The following LDB3 variants were observed in gnomAD, a reference collection of about 807,000 sequenced individuals.
The protein encoded by LDB3 is LIM domain binding 3, also known as LIM domain-binding protein 3.
A neutral mutation model predicts 69.0 loss-of-function variants in LDB3; 49 were observed. That is an observed-to-expected ratio of 0.71 (90% confidence interval 0.56 to 0.90). LDB3 has a LOEUF of 0.90. LDB3 is among the 40% of genes least tolerant of loss of function. LDB3 has a pLI of 0.00. For missense variants in LDB3, 928 were observed against 974.1 expected, an observed-to-expected ratio of 0.95 and a Z score of 0.63; for synonymous variants, 387 against 396.2, an observed-to-expected ratio of 0.98 and a Z score of 0.28.
chr10:86,709,661 C>T (rs903044288), intron 8 of LDB3, among the ~76,000 whole-genome samples: 10 of 152,212 alleles, frequency 6.6e-5, no homozygotes, highest in Non-Finnish European at 1.5e-4. Context: ...AGGGTCTTCC[C>T]GGTGTCCTCC....
At chr10:86,684,618 A>G (rs1845358395) in intron 5 of LDB3, among the ~76,000 whole-genome samples, 1 of 152,238 alleles carries the variant, frequency 6.6e-6, no homozygotes, top group South Asian at 2.1e-4. Flanking sequence ...GGGGCAGAGC[A>G]GGGCCACTGT....
chr10:86,681,307 G>T, intron 4 of LDB3, 129 bp from the exon 5 acceptor site: 1 of 1,396,190 alleles, frequency 7.2e-7, no homozygotes, highest in Non-Finnish European at 1.0e-6. Flanking sequence ...GCTGCGCCCA[G>T]GCGCTCTGGG....
At chr10:86,723,276 A>T (rs1847148777) in intron 12 of LDB3, among the ~76,000 whole-genome samples, 2 of 150,034 alleles carry the variant, frequency 1.3e-5, no homozygotes, top group Non-Finnish European at 3.0e-5. Flanking sequence ...TCTAAAAAAA[A>T]AAAAAAAAAA....
At position 86,734,399 on chromosome 10, in the gene LDB3, A is replaced by G. The variant is rs953144156; in HGVS notation, c.*1423A>G. ...CAGTGTAGTCGCTTCCCTTTTTAGG[A>G]AGCCCTGTTAATATGCTCATTGAAA... is the stretch of plus-strand genomic sequence containing the variant. On this transcript the variant is annotated 3_prime_UTR_variant, in exon 14 of 14. Transcript: ENST00000361373. 1 of 152,202 alleles carries G rather than the reference A, an allele frequency of 6.6e-6. No homozygotes were observed. The highest frequency in any genetic ancestry group is 1.5e-5 in the Non-Finnish European group (1 of 68,040). The allele number at this position is 152,202 out of a possible 1,614,324, so 9.4% of individuals were successfully genotyped here.
Position 86,729,083 on chromosome 10 carries a change from C to T in LDB3, c.2094+2831C>T, listed in dbSNP as rs948549663. On this transcript the variant is annotated intron_variant, in intron 13 of 13. Transcript: ENST00000361373. The stretch of plus-strand genomic sequence containing the variant: ...CCCAGCTGATGTGCTGTTTTCTAAC[C>T]AGTGAGATCTCAGGATAGCACATTC... Among the ~76,000 whole-genome samples the T allele has an allele frequency of 7.9e-5, 12 of 152,096 alleles. 1 individual carries two copies. The East Asian group carries it at 2.3e-3, about 29-fold the overall frequency.
chr10:86,686,806 CAAAA>C (rs3086887), intron 5 of LDB3, among the ~76,000 whole-genome samples: 1 of 133,172 alleles, frequency 7.5e-6, no homozygotes, highest in Non-Finnish European at 1.6e-5. Flanking sequence ...GACCCTGTAT[CAAAA>C]AAAAAAAAAA....
rs1205511323 is a variant in LDB3, at chr10:86,691,936, C to G, written c.730C>G (p.Pro244Ala). The change falls in exon 6 of 14, where the codon CCC becomes GCC. Residue 244 changes from proline (P) to alanine (A), a missense_variant. Transcript: ENST00000361373. ...GGACCTTGCCGTAGACAGCGCCTCT[C>G]CCGTCTACCAGGCTGTGATTAAGAG... ...IKDLAVDSAS[P>A]VYQAVIKSQN... 1.2e-6 allele frequency: 2 copies of G among 1,614,196 alleles called. No individual in the cohort carries two copies. The highest frequency in any genetic ancestry group is 1.7e-6 in the Non-Finnish European group (2 of 1,180,046).
intron 5 of LDB3, among the ~76,000 whole-genome samples, chr10:86,686,576 G>T (rs1174074481): frequency 6.6e-6 from 1 of 152,134 alleles, no homozygotes; most frequent in Non-Finnish European, 1.5e-5. Flanking sequence ...AACACTGTGA[G>T]ATGCCAAGGC....
At chr10:86,703,846 G>A (rs1393034565) in intron 7 of LDB3, among the ~76,000 whole-genome samples, 1 of 152,198 alleles carries the variant, frequency 6.6e-6, no homozygotes, top group Non-Finnish European at 1.5e-5. Context: ...GGGTGCAGTG[G>A]CTCACGCCTG....
chr10:86,684,741 C>T (rs1845367722), intron 5 of LDB3, among the ~76,000 whole-genome samples: 1 of 152,234 alleles, frequency 6.6e-6, no homozygotes, highest in Admixed American at 6.5e-5. Context: ...ACAGCCCACA[C>T]TGGGCAGATT....
chr10:86,708,564 T>C (rs10788526), intron 8 of LDB3, among the ~76,000 whole-genome samples: 72,201 of 152,044 alleles, frequency 0.47, 21,043 homozygotes, highest in African/African-American at 0.81. Flanking sequence ...TATGGAAGCC[T>C]GGCACCCCTT....
chr10:86,692,196 TG>T, intron 6 of LDB3, 131 bp downstream of exon 6: 2 of 1,082,928 alleles, frequency 1.8e-6, no homozygotes, highest in Non-Finnish European at 2.6e-6. Context: ...CTTGATGGTT[TG>T]TCAGTGGCTG....
At chr10:86,724,629 TAAATAAATAAATA>T (rs746806468) in intron 12 of LDB3, among the ~76,000 whole-genome samples, 13 of 150,848 alleles carry the variant, frequency 8.6e-5, no homozygotes, top group Non-Finnish European at 1.8e-4. Context: ...AAAAAATAAA[TAAATAAATAAATA>T]AAATAAATAG....
chr10:86,700,242 G>A (rs1000946250), intron 7 of LDB3, among the ~76,000 whole-genome samples: 3 of 152,086 alleles, frequency 2.0e-5, no homozygotes, highest in East Asian at 1.9e-4. Context: ...TGCAACCCAC[G>A]GCGGGAGGAT....
Position 86,699,422 on chromosome 10 carries a change from C to A in LDB3, c.896+6851C>A. 6.2e-7 allele frequency: 1 copy of A among 1,612,546 alleles called. No individual in the cohort carries two copies. Among genetic ancestry groups the A allele is most frequent in the Non-Finnish European group, 8.5e-7 (1 of 1,179,592 alleles). ...CCCCAACAGGCTGGACTCCCTCCAT[C>A]CTTACCCCCACACAGATCTGGCATG... On this transcript the variant is annotated intron_variant, in intron 7 of 13. Coordinates refer to ENST00000361373, the MANE Select transcript of LDB3 (RefSeq NM_007078.3). The surrounding 1 kb of genome is among the most constrained non-coding windows in gnomAD (Gnocchi z 4.9).
chr10:86,682,713 T>G (rs1845232550), intron 5 of LDB3, among the ~76,000 whole-genome samples: 1 of 152,160 alleles, frequency 6.6e-6, no homozygotes, highest in Non-Finnish European at 1.5e-5. Context: ...TGTCCATGTC[T>G]CAGGGTTATT....
intron 13 of LDB3, among the ~76,000 whole-genome samples, chr10:86,732,251 T>A (rs1342559844): frequency 6.6e-6 from 1 of 152,214 alleles, no homozygotes; most frequent in Non-Finnish European, 1.5e-5. Flanking sequence ...ATCCTCTCTG[T>A]GGTATATTGA....
rs775180716 is a variant in LDB3, at chr10:86,692,544, C to T, written c.869C>T (p.Pro290Leu). Reference protein sequence around the residue: ...QMTGTEFMQDPDEEALRRSST... With the variant: ...QMTGTEFMQDLDEEALRRSST... Reference sequence around the variant, plus strand: ...TCCTTTCTACCAACAGTGCAAGACCCTGATGAAGAAGCTCTGCGAAGGTCA... The same window carrying T: ...TCCTTTCTACCAACAGTGCAAGACCTTGATGAAGAAGCTCTGCGAAGGTCA... Residue 290 changes from proline (P) to leucine (L), a missense_variant, in exon 7 of 14, where the codon CCT (proline) becomes CTT (leucine). Pro to Leu is a moderately conservative substitution (Grantham distance 98). Coordinates refer to ENST00000361373, the MANE Select transcript of LDB3 (RefSeq NM_007078.3). 1.1e-5 allele frequency: 18 copies of T among 1,614,124 alleles called. No homozygotes were observed. Among genetic ancestry groups the T allele is most frequent in the Non-Finnish European group, 1.5e-5 (18 of 1,180,044 alleles).
At chr10:86,700,676 TTAGGAAGGGC>T (rs1175284752) in intron 7 of LDB3, among the ~76,000 whole-genome samples, 4 of 152,042 alleles carry the variant, frequency 2.6e-5, no homozygotes, top group Admixed American at 2.6e-4. Flanking sequence ...TCCTGGGCAT[TTAGGAAGGGC>T]TAGGAAGGGC....
Sources: allele counts gnomAD v4.1 joint callset (sites outside exome capture counted in the v4.1 genomes callset), GRCh38; gene constraint gnomAD v4.1.1; non-coding constraint Gnocchi (gnomAD v3.1); transcripts MANE v1.5; gene names NCBI Gene and HGNC (gene_info 2026-07-23, HGNC 2026-07-21).